The following HTR1F variants were observed in gnomAD, a reference collection of about 807,000 sequenced individuals.
The protein encoded by HTR1F is 5-hydroxytryptamine receptor 1F.
A neutral mutation model predicts 24.0 loss-of-function variants in HTR1F; 17 were observed. The observed-to-expected ratio is 0.71, with a 90% CI of 0.48 to 1.06. The LOEUF (loss-of-function observed/expected upper bound fraction) is 1.06, where lower values mean the gene tolerates loss of function less well. Ranked by LOEUF, HTR1F falls within the 50% of genes least tolerant of loss-of-function variation. HTR1F has a pLI of 0.00. For synonymous variants in HTR1F, 186 were observed against 156.8 expected (o/e 1.19, Z -1.39); for missense variants, 391 against 427.8 (o/e 0.91, Z 0.76).
intron 2 of HTR1F, among the ~76,000 whole-genome samples, chr3:87,857,007 C>T (rs1705212773): frequency 6.6e-6 from 1 of 152,026 alleles, no homozygotes; most frequent in Non-Finnish European, 1.5e-5. Flanking sequence ...CCTGTTATTT[C>T]CCCAGACTTA....
At chr3:87,979,062 G>GA (rs1705475631) in intron 2 of HTR1F, among the ~76,000 whole-genome samples, 1 of 2,110 alleles carries the variant, frequency 4.7e-4, no homozygotes, top group Non-Finnish European at 1.6e-3. Flanking sequence ...GAGGGAGGGG[G>GA]GGGAGGGAGG....
At position 87,843,594 on chromosome 3, in the gene HTR1F, A is replaced by G. The variant is rs1411047644; in HGVS notation, c.-43+21470A>G. ...TGCACATTGTGCAGGTTAGTTACATATGTATACATGTGCCATGCTGGTGTG... is the reference window on the plus strand; with the variant it reads ...TGCACATTGTGCAGGTTAGTTACATGTGTATACATGTGCCATGCTGGTGTG... On this transcript the variant is annotated intron_variant, in intron 2 of 2. Transcript: ENST00000319595. Among the ~76,000 whole-genome samples the G allele has an allele frequency of 2.0e-5, 3 of 150,498 alleles. No individual in the cohort carries two copies. The East Asian group carries it at 5.9e-4, about 29-fold the overall frequency.
chr3:87,912,501 C>T (rs1346491794), intron 2 of HTR1F, among the ~76,000 whole-genome samples: 1 of 151,342 alleles, frequency 6.6e-6, no homozygotes, highest in Non-Finnish European at 1.5e-5. Context: ...CTGATCAAAG[C>T]AATTTACAGA....
At chr3:87,884,314 G>A (rs1458919940) in intron 2 of HTR1F, among the ~76,000 whole-genome samples, 2 of 152,104 alleles carry the variant, frequency 1.3e-5, no homozygotes, top group Non-Finnish European at 1.5e-5. Context: ...GTCACCACCC[G>A]ATTTTGTCCT....
At chr3:87,900,668 T>C (rs1706301133) in intron 2 of HTR1F, among the ~76,000 whole-genome samples, 1 of 152,142 alleles carries the variant, frequency 6.6e-6, no homozygotes, top group Non-Finnish European at 1.5e-5. Context: ...TTTCTGAATA[T>C]ATTTTAAAGT....
At chr3:87,891,665 C>A (rs1706089672) in intron 2 of HTR1F, among the ~76,000 whole-genome samples, 2 of 152,146 alleles carry the variant, frequency 1.3e-5, no homozygotes, top group South Asian at 4.1e-4. Context: ...TTTTACTTTC[C>A]TGTTTGCCAA....
At chr3:87,828,944 C>G (rs1319064173) in intron 2 of HTR1F, among the ~76,000 whole-genome samples, 1 of 151,730 alleles carries the variant, frequency 6.6e-6, no homozygotes, top group East Asian at 1.9e-4. Flanking sequence ...CTGGATTCTT[C>G]AGGTGCTTTT....
At chr3:87,945,036 T>C (rs571829071) in intron 2 of HTR1F, among the ~76,000 whole-genome samples, 2 of 151,966 alleles carry the variant, frequency 1.3e-5, no homozygotes, top group Non-Finnish European at 2.9e-5. Flanking sequence ...TTTTGTTTTG[T>C]TTTTTACTAT....
intron 2 of HTR1F, among the ~76,000 whole-genome samples, chr3:87,852,204 C>T (rs1208321385): frequency 6.6e-6 from 1 of 151,600 alleles, no homozygotes; most frequent in African/African-American, 2.4e-5. Flanking sequence ...CCCAAGTTTT[C>T]ATTGCATTTT....
chr3:87,968,052 G>A (rs1412497778), intron 2 of HTR1F, among the ~76,000 whole-genome samples: 1 of 152,184 alleles, frequency 6.6e-6, no homozygotes, highest in East Asian at 1.9e-4. Context: ...ATAAAGTCCA[G>A]GCTGAAGTAG....
chr3:87,840,419 GA>G (rs954954307), intron 2 of HTR1F, among the ~76,000 whole-genome samples: 4 of 152,158 alleles, frequency 2.6e-5, no homozygotes, highest in South Asian at 2.1e-4. Context: ...TAAAAAACAT[GA>G]AAATAAACGT....
intron 2 of HTR1F, among the ~76,000 whole-genome samples, chr3:87,875,978 C>A (rs372712663): frequency 6.8e-6 from 1 of 146,406 alleles, no homozygotes; most frequent in Non-Finnish European, 1.5e-5. Context: ...CTAAGTAATA[C>A]AAATAACCAA....
chr3:87,951,626 T>C (rs1263530135), intron 2 of HTR1F, among the ~76,000 whole-genome samples: 1 of 152,120 alleles, frequency 6.6e-6, no homozygotes, highest in East Asian at 1.9e-4. Flanking sequence ...GTAGGATATT[T>C]GCTACAACTG....
At chr3:87,987,698 T>TAC (rs1410759280) in intron 2 of HTR1F, among the ~76,000 whole-genome samples, 2 of 121,886 alleles carry the variant, frequency 1.6e-5, no homozygotes, top group Non-Finnish European at 3.4e-5. Context: ...ATATATAAAA[T>TAC]ATATGTATTA....
At chr3:87,964,623 A>G (rs1484906447) in intron 2 of HTR1F, among the ~76,000 whole-genome samples, 1 of 152,136 alleles carries the variant, frequency 6.6e-6, no homozygotes, top group Admixed American at 6.6e-5. Context: ...AAGGTTATAC[A>G]ACACTGGGGC....
intron 1 of HTR1F, among the ~76,000 whole-genome samples, chr3:87,794,043 T>G (rs1220872335): frequency 6.6e-6 from 1 of 152,060 alleles, no homozygotes; most frequent in East Asian, 1.9e-4. Flanking sequence ...CTAGTTCTAT[T>G]TACATACAAG....
intron 1 of HTR1F, among the ~76,000 whole-genome samples, chr3:87,804,078 A>C (rs183961912): frequency 1.6e-3 from 245 of 152,202 alleles, no homozygotes; most frequent in South Asian, 3.3e-3. Flanking sequence ...CTTTGATTTC[A>C]TTTTTAATAT....
At chr3:87,921,019 G>T (rs1045379760) in intron 2 of HTR1F, among the ~76,000 whole-genome samples, 2 of 151,612 alleles carry the variant, frequency 1.3e-5, no homozygotes, top group African/African-American at 4.8e-5. Context: ...CTCAATACTT[G>T]GTCTTTAATG....
At chr3:87,927,203 A>C (rs1363560094) in intron 2 of HTR1F, among the ~76,000 whole-genome samples, 2 of 152,180 alleles carry the variant, frequency 1.3e-5, no homozygotes, top group African/African-American at 4.8e-5. Flanking sequence ...AGATGTAGTT[A>C]CAATAAGTGC....
Sources: gnomAD v4.1 joint callset for allele counts (sites outside exome capture counted in the v4.1 genomes callset) on GRCh38, gnomAD v4.1.1 for gene constraint, MANE v1.5 for transcripts, NCBI Gene and HGNC (gene_info 2026-07-23, HGNC 2026-07-21) for gene names.